The following RBFOX1 variants were observed in gnomAD, a reference collection of about 807,000 sequenced individuals.
RBFOX1 encodes RNA binding protein fox-1 homolog 1.
Under a neutral mutation model 57.7 loss-of-function variants are expected in RBFOX1, and 8 were observed. The observed-to-expected ratio is 0.14, with a 90% CI of 0.08 to 0.25. The LOEUF (loss-of-function observed/expected upper bound fraction) is 0.25, where lower values mean the gene tolerates loss of function less well. RBFOX1 is among the 10% of genes least tolerant of loss of function. The pLI is 1.00. For missense variants in RBFOX1, 611 were observed against 548.5 expected, an observed-to-expected ratio of 1.11 and a Z score of -1.14; for synonymous variants, 326 against 222.4, an observed-to-expected ratio of 1.47 and a Z score of -4.15.
intron 4 of RBFOX1, among the ~76,000 whole-genome samples, chr16:7,330,531 G>GT (rs1423670703): frequency 9.4e-5 from 14 of 149,036 alleles, no homozygotes; most frequent in African/African-American, 3.5e-4. Context: ...TGTGTAGAGA[G>GT]AGAGAGAGAG....
intron 2 of RBFOX1, among the ~76,000 whole-genome samples, chr16:6,637,012 T>G (rs1218058762): frequency 2.3e-4 from 28 of 122,474 alleles, no homozygotes; most frequent in South Asian, 2.3e-4. Flanking sequence ...TATGTATAAA[T>G]ATGTGTATAA....
chr16:5,299,833 A>T (rs766114375), intron 1 of RBFOX1, among the ~76,000 whole-genome samples: 29 of 152,280 alleles, frequency 1.9e-4, no homozygotes, highest in Non-Finnish European at 2.2e-4. Context: ...AATTGTGGAT[A>T]CAAGTGGGGA....
chr16:6,367,473 T>C (rs1206688072), intron 2 of RBFOX1, among the ~76,000 whole-genome samples: 2 of 152,112 alleles, frequency 1.3e-5, no homozygotes, highest in Non-Finnish European at 2.9e-5. Flanking sequence ...GGTTTCACTA[T>C]ATTGGTCAGG....
At chr16:7,292,235 ATT>A (rs2095798623) in intron 4 of RBFOX1, among the ~76,000 whole-genome samples, 1 of 106,986 alleles carries the variant, frequency 9.3e-6, no homozygotes, top group African/African-American at 4.2e-5. Flanking sequence ...TATAGAACGT[ATT>A]ATATATCATA....
intron 13 of RBFOX1, among the ~76,000 whole-genome samples, chr16:7,672,646 T>C (rs536585311): frequency 6.6e-6 from 1 of 151,866 alleles, no homozygotes; most frequent in Non-Finnish European, 1.5e-5. Context: ...GGCAGATTGC[T>C]TGAGGCCAGG....
At chr16:7,339,081 G>C (rs1029969966) in intron 4 of RBFOX1, among the ~76,000 whole-genome samples, 2 of 152,170 alleles carry the variant, frequency 1.3e-5, no homozygotes, top group South Asian at 2.1e-4. Flanking sequence ...AGAATTTGGA[G>C]TCAAACAGGT....
At chr16:5,761,251 A>T (rs1391358784) in intron 3 of RBFOX1, among the ~76,000 whole-genome samples, 1 of 152,174 alleles carries the variant, frequency 6.6e-6, no homozygotes, top group African/African-American at 2.4e-5. Flanking sequence ...TCTGAAGAGT[A>T]ATATAGAAGC....
At chr16:6,039,062 G>A (rs1056711077) in intron 1 of RBFOX1, 16 of 138,506 alleles carry the variant, frequency 1.2e-4, no homozygotes, top group East Asian at 4.4e-4. Context: ...GCTGAATCCC[G>A]CAGAAAGTTT....
chr16:6,789,603 C>T (rs963258869), intron 3 of RBFOX1, among the ~76,000 whole-genome samples: 3 of 152,138 alleles, frequency 2.0e-5, no homozygotes, highest in South Asian at 4.1e-4. Flanking sequence ...TGACTCAGTG[C>T]TGTGCCCATC....
chr16:7,668,094 A>G (rs956049419), intron 13 of RBFOX1, among the ~76,000 whole-genome samples: 6 of 152,188 alleles, frequency 3.9e-5, no homozygotes, highest in Non-Finnish European at 5.9e-5. Context: ...TCCTGGCAGT[A>G]TATCAGAGCA....
At chr16:6,539,123 T>TG (rs1433666551) in intron 2 of RBFOX1, among the ~76,000 whole-genome samples, 2 of 110,108 alleles carry the variant, frequency 1.8e-5, no homozygotes, top group African/African-American at 6.0e-5. Flanking sequence ...TGATATTTGG[T>TG]GAAAAAAAAA....
chr16:6,641,786 TGCCCTGAGCCTTTCAGGCCTG>T (rs1459219808), intron 2 of RBFOX1, among the ~76,000 whole-genome samples: 1 of 135,932 alleles, frequency 7.4e-6, no homozygotes, highest in Non-Finnish European at 1.6e-5. Flanking sequence ...AAATAGGTTC[TGCCCTGAGCCTTTCAGGCCTG>T]GCCTTGTTGC....
intron 3 of RBFOX1, among the ~76,000 whole-genome samples, chr16:7,007,333 G>T (rs527763287): frequency 1.3e-5 from 2 of 152,240 alleles, no homozygotes; most frequent in East Asian, 3.9e-4. Flanking sequence ...AAATCTCATT[G>T]ACTTCTTCTG....
intron 14 of RBFOX1, among the ~76,000 whole-genome samples, chr16:7,679,787 C>G (rs750789953): frequency 2.6e-5 from 4 of 151,984 alleles, no homozygotes; most frequent in Non-Finnish European, 5.9e-5. Context: ...ACCTGAGAGT[C>G]TCTGAATGTT....
intron 3 of RBFOX1, among the ~76,000 whole-genome samples, chr16:6,855,898 A>ACCTCCCTTCTTT (rs1450274382): frequency 8.7e-6 from 1 of 115,160 alleles, no homozygotes; most frequent in South Asian, 2.9e-4. Flanking sequence ...CTCCCTCCTT[A>ACCTCCCTTCTTT]CCTCCCTTCT....
chr16:7,410,996 A>G (rs1395673877), intron 4 of RBFOX1, among the ~76,000 whole-genome samples: 2 of 151,998 alleles, frequency 1.3e-5, no homozygotes, highest in East Asian at 1.9e-4. Context: ...CCCAGGTTGG[A>G]GTACAGTGGT....
intron 3 of RBFOX1, among the ~76,000 whole-genome samples, chr16:6,826,814 TTAATG>T (rs1199741967): frequency 1.3e-5 from 2 of 152,194 alleles, no homozygotes; most frequent in Non-Finnish European, 2.9e-5. Context: ...AATTTAAACA[TTAATG>T]TAAGATAAAT....
At chr16:7,117,534 T>G (rs12447692) in intron 4 of RBFOX1, among the ~76,000 whole-genome samples, 40,743 of 151,962 alleles carry the variant, frequency 0.27, 6,166 homozygotes, top group Admixed American at 0.37. Flanking sequence ...ATGTGTGAGT[T>G]TAGGAAAATC....
rs540335638 is a variant in RBFOX1 at position 7,126,326 on chromosome 16, A to C, written c.27+74228A>C. The stretch of plus-strand genomic sequence containing the variant: ...GCTTTGGTGGGGGTCATGGGGCAGC[A>C]CCCGCAGGTCTAAATCGAGGTGGGG... On this transcript the variant is annotated intron_variant, in intron 4 of 15. Transcript: ENST00000550418. The C allele has an allele frequency of 1.0e-3, 299 of 295,762 alleles. 5 individuals are homozygous for C. In the South Asian group the frequency reaches 0.011, roughly 11 times the overall value. 18.3% of individuals were successfully genotyped at this position (295,762 alleles called of 1,614,324 possible).
Sources: allele counts gnomAD v4.1 joint callset (sites outside exome capture counted in the v4.1 genomes callset), GRCh38; gene constraint gnomAD v4.1.1; transcripts MANE v1.5; gene names NCBI Gene and HGNC (gene_info 2026-07-23, HGNC 2026-07-21).